CD36: variants seen among roughly 807,000 people sequenced by gnomAD.
CD36 encodes platelet glycoprotein 4.
In CD36, 119 loss-of-function variants were observed where a neutral mutation model predicts 55.2. That is an observed-to-expected ratio of 2.15 (90% CI 1.86 to 2.51). The LOEUF is 2.51. Ranked by LOEUF, CD36 falls within the 30% of genes most tolerant of loss-of-function variation. The probability of loss-of-function intolerance (pLI) is 0.00; values close to 1 mark genes in which losing one functional copy is unlikely to be tolerated. For synonymous variants in CD36, 186 were observed against 193.6 expected (o/e 0.96, Z 0.33); for missense variants, 819 against 555.5 (o/e 1.47, Z -4.77).
rs1798166392 is a variant in CD36 at position 80,676,400 on chromosome 7, A to G, written c.*17A>G. On this transcript the variant is annotated 3_prime_UTR_variant, in exon 15 of 15. Coordinates refer to ENST00000447544, the MANE Select transcript of CD36 (RefSeq NM_001001548.3). ...TTTCTACAGACCTGGCTCAAGCACA[A>G]ACCAATTTGTGTTGTTCTGATTCAA... is the stretch of plus-strand genomic sequence containing the variant. 1 of 152,164 alleles carries G rather than the reference A, an allele frequency of 6.6e-6. No homozygotes were observed. Among genetic ancestry groups the G allele is most frequent in the Non-Finnish European group, 1.5e-5 (1 of 68,048 alleles). The allele number at this position is 152,164 out of a possible 1,614,324, so 9.4% of individuals were successfully genotyped here. A position where few individuals can be genotyped will look rare whatever the true frequency, so the allele number is the denominator to read the frequency against.
At chr7:80,609,189 C>T (rs1040197359) in intron 1 of CD36, among the ~76,000 whole-genome samples, 8 of 152,180 alleles carry the variant, frequency 5.3e-5, no homozygotes, top group East Asian at 3.8e-4. Context: ...TAGGGCTTCA[C>T]GTTTGTGGTC....
At chr7:80,646,485 A>G in intron 2 of CD36, 167 bp from the exon 3 acceptor site, 1 of 478,936 alleles carries the variant, frequency 2.1e-6, no homozygotes, top group Non-Finnish European at 3.8e-6. Flanking sequence ...CATTAGAAGC[A>G]AGAAAAGGGA....
intron 5 of CD36, among the ~76,000 whole-genome samples, chr7:80,662,081 G>A (rs1796576914): frequency 6.6e-6 from 1 of 152,052 alleles, no homozygotes; most frequent in African/African-American, 2.4e-5. Context: ...AATAGAAAAC[G>A]GAAACACAAA....
At chr7:80,658,925 A>G (rs3211876) in intron 4 of CD36, among the ~76,000 whole-genome samples, 2,966 of 152,270 alleles carry the variant, frequency 0.019, 55 homozygotes, top group Middle Eastern at 0.034. Context: ...CTAAGGGACA[A>G]AAAGGGGATG....
chr7:80,657,239 C>T (rs538724460), intron 4 of CD36, among the ~76,000 whole-genome samples: 1 of 152,216 alleles, frequency 6.6e-6, no homozygotes, highest in South Asian at 2.1e-4. Flanking sequence ...AGAGTTGAGG[C>T]CCACTAAAGA....
chr7:80,648,860 T>C (rs780366748), intron 3 of CD36, among the ~76,000 whole-genome samples: 4 of 151,992 alleles, frequency 2.6e-5, no homozygotes, highest in Non-Finnish European at 4.4e-5. Context: ...ATTGATAGTA[T>C]GAAAAACCCT....
At chr7:80,666,245 C>A in intron 7 of CD36, 198 bp from the exon 8 acceptor site, 1 of 502,996 alleles carries the variant, frequency 2.0e-6, no homozygotes, top group Non-Finnish European at 3.5e-6. Context: ...ATCTGGCTAC[C>A]TAATGGCATC....
intron 1 of CD36, among the ~76,000 whole-genome samples, chr7:80,615,410 AC>A (rs1361233975): frequency 1.3e-5 from 2 of 152,128 alleles, no homozygotes; most frequent in African/African-American, 2.4e-5. Flanking sequence ...TTCCCTGAAA[AC>A]CATTTTTGTA....
At chr7:80,613,791 A>C (rs560196533) in intron 1 of CD36, among the ~76,000 whole-genome samples, 1 of 152,128 alleles carries the variant, frequency 6.6e-6, no homozygotes, top group Non-Finnish European at 1.5e-5. Context: ...AACTGAGTTG[A>C]TTCCTTGTTA....
chr7:80,671,001 C>A lies in CD36; in HGVS notation c.843C>A (p.Ser281=), dbSNP rs372529585. ...ICRSIYAVFE[S]DVNLKGIPVY... ...GGTCAATCTATGCTGTATTTGAATC[C>A]GACGTTAATCTGAAAGGAATCCCTG... The change falls in exon 10 of 15, where the codon TCC becomes TCA. Residue 281 remains serine, a synonymous_variant. Transcript: ENST00000447544. 6.2e-7 allele frequency: 1 copy of A among 1,613,134 alleles called. No individual in the cohort carries two copies. Among genetic ancestry groups the A allele is most frequent in the Non-Finnish European group, 8.5e-7 (1 of 1,179,272 alleles).
At chr7:80,618,110 T>C (rs1176530170) in intron 1 of CD36, among the ~76,000 whole-genome samples, 1 of 152,138 alleles carries the variant, frequency 6.6e-6, no homozygotes, top group Non-Finnish European at 1.5e-5. Flanking sequence ...TAGTGTGATA[T>C]ATATATTTAG....
At chr7:80,634,660 C>T (rs562170479), upstream of CD36, among the ~76,000 whole-genome samples, 1 of 152,160 alleles carries the variant, frequency 6.6e-6, no homozygotes, top group Admixed American at 6.6e-5. Context: ...ATTTGCTTCT[C>T]AAATATGTTG....
intron 4 of CD36, among the ~76,000 whole-genome samples, chr7:80,659,242 C>T (rs1473528302): frequency 6.6e-6 from 1 of 152,130 alleles, no homozygotes; most frequent in Non-Finnish European, 1.5e-5. Context: ...ATCCATCTGA[C>T]ATTGGAAGTA....
At chr7:80,627,779 A>G (rs968761881) in intron 1 of CD36, among the ~76,000 whole-genome samples, 40 of 152,100 alleles carry the variant, frequency 2.6e-4, no homozygotes, top group Admixed American at 6.6e-4. Flanking sequence ...TTTAATCAAT[A>G]TGTCTGTTTC....
intron 4 of CD36, among the ~76,000 whole-genome samples, chr7:80,658,818 T>A (rs933553632): frequency 6.6e-6 from 1 of 152,164 alleles, no homozygotes; most frequent in African/African-American, 2.4e-5. Flanking sequence ...TTTAAATATA[T>A]TATTTGGGAT....
chr7:80,655,139 C>G lies in CD36; in HGVS notation c.121-1401C>G, dbSNP rs531846831. Among the ~76,000 whole-genome samples, 9 of 152,248 alleles carry G rather than the reference C, an allele frequency of 5.9e-5. No homozygotes were observed. The South Asian group carries it at 1.9e-3, about 32-fold the overall frequency. On this transcript the variant is annotated intron_variant, in intron 3 of 14. Transcript: ENST00000447544. Reference sequence around the variant, plus strand: ...TCAGAATGTTCCTGTGGTCATTGTTCTCTTTAGGCTCATTTTCCATGAAAT... The same window carrying G: ...TCAGAATGTTCCTGTGGTCATTGTTGTCTTTAGGCTCATTTTCCATGAAAT...
chr7:80,669,934 C>A lies in CD36; in HGVS notation c.749-19C>A, dbSNP rs771953921. 4.4e-6 allele frequency: 7 copies of A among 1,582,170 alleles called. No homozygotes were observed. Among genetic ancestry groups the A allele is most frequent in the Non-Finnish European group, 6.1e-6 (7 of 1,151,258 alleles). On this transcript the variant is annotated intron_variant, in intron 8 of 14. Coordinates refer to ENST00000447544, the MANE Select transcript of CD36 (RefSeq NM_001001548.3). Reference sequence around the variant, plus strand: ...AACACACATTACATCTAATCATTTGCCACTCGATTTTTAAACAGATGCAGC... The same window carrying A: ...AACACACATTACATCTAATCATTTGACACTCGATTTTTAAACAGATGCAGC...
intron 1 of CD36, among the ~76,000 whole-genome samples, chr7:80,615,204 C>T (rs774238429): frequency 7.9e-5 from 12 of 152,150 alleles, no homozygotes; most frequent in Non-Finnish European, 1.6e-4. Flanking sequence ...TATTAGTCAT[C>T]GAGCTGAATT....
intron 1 of CD36, among the ~76,000 whole-genome samples, chr7:80,626,903 A>G (rs1195952638): frequency 1.3e-5 from 2 of 152,044 alleles, no homozygotes; most frequent in Non-Finnish European, 2.9e-5. Flanking sequence ...TACACTGTAT[A>G]TAAACTACAA....
Sources: gnomAD v4.1 joint callset for allele counts (sites outside exome capture counted in the v4.1 genomes callset) on GRCh38, gnomAD v4.1.1 for gene constraint, MANE v1.5 for transcripts, NCBI Gene and HGNC (gene_info 2026-07-23, HGNC 2026-07-21) for gene names.